Variants in PRKD1 observed in about 807,000 individuals in gnomAD.
The protein encoded by PRKD1 is protein kinase D1, also known as serine/threonine-protein kinase D1.
PRKD1 carries 63 observed loss-of-function variants against 95.9 expected under a neutral mutation model. That is an observed-to-expected ratio of 0.66 (90% confidence interval 0.54 to 0.81). The LOEUF is 0.81. Ranked by LOEUF, PRKD1 falls within the 30% of genes least tolerant of loss-of-function variation. The pLI, the probability that PRKD1 is intolerant of heterozygous loss-of-function variation, is 0.00. For missense variants in PRKD1, 1,048 were observed against 1,165.3 expected (o/e 0.90, Z 1.47); for synonymous variants, 425 against 423.1 (o/e 1.00, Z -0.05).
chr14:29,594,920 T>C (rs1177616238), intron 16 of PRKD1, among the ~76,000 whole-genome samples: 1 of 152,144 alleles, frequency 6.6e-6, no homozygotes, highest in South Asian at 2.1e-4. Context: ...TTAACTGATA[T>C]CATGATGTAA....
intron 1 of PRKD1, among the ~76,000 whole-genome samples, chr14:29,835,636 T>C (rs1957297183): frequency 6.6e-6 from 1 of 152,174 alleles, no homozygotes; most frequent in South Asian, 2.1e-4. Context: ...AGTGGCGCGA[T>C]CTTGGCTCAC....
intron 1 of PRKD1, among the ~76,000 whole-genome samples, chr14:29,740,077 A>G (rs775607265): frequency 5.3e-5 from 8 of 152,190 alleles, no homozygotes; most frequent in Non-Finnish European, 1.2e-4. Flanking sequence ...CTTGCATTAT[A>G]CCTTGACAGA....
chr14:29,818,930 C>G (rs1672330143), intron 1 of PRKD1, among the ~76,000 whole-genome samples: 1 of 151,366 alleles, frequency 6.6e-6, no homozygotes, highest in African/African-American at 2.4e-5. Flanking sequence ...GTCTAACTAC[C>G]AGTTAGTTTA....
intron 1 of PRKD1, among the ~76,000 whole-genome samples, chr14:29,786,630 G>C (rs150852373): frequency 5.3e-5 from 8 of 152,244 alleles, no homozygotes; most frequent in Non-Finnish European, 1.0e-4. Flanking sequence ...TTAGCACGTA[G>C]TGGTTCATAA....
At chr14:29,875,301 G>C (rs1187818409) in intron 1 of PRKD1, among the ~76,000 whole-genome samples, 1 of 151,906 alleles carries the variant, frequency 6.6e-6, no homozygotes, top group Non-Finnish European at 1.5e-5. Flanking sequence ...TAAGGTCCAG[G>C]AATAATATGT....
intron 1 of PRKD1, among the ~76,000 whole-genome samples, chr14:29,836,854 G>A (rs188080300): frequency 6.6e-6 from 1 of 152,282 alleles, no homozygotes; most frequent in East Asian, 1.9e-4. Context: ...GAAGGCCACA[G>A]GTGAGTGAGC....
intron 4 of PRKD1, among the ~76,000 whole-genome samples, chr14:29,654,993 G>C (rs888349596): frequency 3.3e-5 from 5 of 152,214 alleles, no homozygotes; most frequent in African/African-American, 1.2e-4. Context: ...TCAGGAGCTA[G>C]CCTGTGAAGG....
At chr14:29,795,829 A>C (rs1293944075) in intron 1 of PRKD1, among the ~76,000 whole-genome samples, 1 of 152,294 alleles carries the variant, frequency 6.6e-6, no homozygotes, top group Non-Finnish European at 1.5e-5. Context: ...CATTTTAGTT[A>C]TAATTCAACT....
At chr14:29,867,141 A>G (rs1042122489) in intron 1 of PRKD1, among the ~76,000 whole-genome samples, 34 of 152,132 alleles carry the variant, frequency 2.2e-4, no homozygotes, top group African/African-American at 8.2e-4. Context: ...TCAATCTCAT[A>G]ATTTTGGCAC....
chr14:29,838,868 C>A (rs560508063), intron 1 of PRKD1, among the ~76,000 whole-genome samples: 1 of 151,848 alleles, frequency 6.6e-6, no homozygotes, highest in Non-Finnish European at 1.5e-5. Context: ...GAAAAGAGTC[C>A]CTATCAGAGC....
intron 1 of PRKD1, among the ~76,000 whole-genome samples, chr14:29,774,047 T>C (rs1035286489): frequency 1.3e-5 from 2 of 152,192 alleles, no homozygotes; most frequent in African/African-American, 4.8e-5. Context: ...ATATGGGAAA[T>C]GCCTCCCAGA....
In PRKD1 at chr14:29,717,709, ATAT is replaced by A. The variant is rs561157833; in HGVS notation, c.403+7824_403+7826del. On this transcript the variant is annotated intron_variant, in intron 2 of 17. Transcript: ENST00000331968. ...CTAAAAGAACAATATGTGGCAAGAA[ATAT>A]TATTTATTTAAAAGTATACAGCATG... Among the ~76,000 whole-genome samples the A allele has an allele frequency of 1.4e-4, 21 of 152,268 alleles. No homozygotes were observed. The South Asian group carries it at 3.7e-3, about 27-fold the overall frequency.
chr14:29,808,156 T>C (rs945937719), intron 1 of PRKD1, among the ~76,000 whole-genome samples: 1 of 152,124 alleles, frequency 6.6e-6, no homozygotes, highest in Non-Finnish European at 1.5e-5. Context: ...TTGGAGTCAA[T>C]CCTCTCAAAT....
chr14:29,707,954 C>T (rs1245815507), intron 2 of PRKD1, among the ~76,000 whole-genome samples: 1 of 152,132 alleles, frequency 6.6e-6, no homozygotes, highest in African/African-American at 2.4e-5. Context: ...ACATATCAAT[C>T]TTCATTAACT....
At chr14:29,804,873 A>G (rs758184251) in intron 1 of PRKD1, among the ~76,000 whole-genome samples, 24 of 152,280 alleles carry the variant, frequency 1.6e-4, no homozygotes, top group Non-Finnish European at 3.1e-4. Context: ...ACATTAATCG[A>G]TAACAATTAC....
rs58908662 is a variant in PRKD1, at chr14:29,734,028, C to CT, written c.265-8355dup. Among the ~76,000 whole-genome samples, 589 of 64,650 alleles carry CT rather than the reference C, an allele frequency of 9.1e-3. 79 individuals are homozygous for CT. The highest frequency in any genetic ancestry group is 0.013 in the Middle Eastern group (1 of 78). The allele number at this position is 64,650 out of a possible 152,430, so 42.4% of individuals were successfully genotyped here. A position where few individuals can be genotyped will look rare whatever the true frequency, so the allele number is the denominator to read the frequency against. ...CTGGTTTTGAGTCATACTTTCCTGCCTTTTTTTTTTTTTTTTTTTTTTTTT... is the reference window on the plus strand; with the variant it reads ...CTGGTTTTGAGTCATACTTTCCTGCCTTTTTTTTTTTTTTTTTTTTTTTTTT... On this transcript the variant is annotated intron_variant, in intron 1 of 17. Coordinates refer to ENST00000331968, the MANE Select transcript of PRKD1 (RefSeq NM_002742.3).
At chr14:29,644,117 C>G (rs1020473847) in intron 4 of PRKD1, among the ~76,000 whole-genome samples, 1 of 152,168 alleles carries the variant, frequency 6.6e-6, no homozygotes, top group East Asian at 1.9e-4. Context: ...GTGGATGAGA[C>G]GTTTCAATAG....
At chr14:29,598,088 C>CA (rs150411726) in intron 15 of PRKD1, among the ~76,000 whole-genome samples, 9,237 of 151,700 alleles carry the variant, frequency 0.061, 925 homozygotes, top group African/African-American at 0.21. Context: ...CCAGTCTAGG[C>CA]ACATAGTGAG....
chr14:29,589,834 T>C (rs958798853), intron 16 of PRKD1, among the ~76,000 whole-genome samples: 1 of 152,040 alleles, frequency 6.6e-6, no homozygotes, highest in South Asian at 2.1e-4. Flanking sequence ...AATAAAGAAA[T>C]AAATAAAGCC....
Sources: gnomAD v4.1 joint callset for allele counts (sites outside exome capture counted in the v4.1 genomes callset) on GRCh38, gnomAD v4.1.1 for gene constraint, MANE v1.5 for transcripts, NCBI Gene and HGNC (gene_info 2026-07-23, HGNC 2026-07-21) for gene names.